The following ZNF814 variants were observed in gnomAD, a reference collection of about 807,000 sequenced individuals.
ZNF814 encodes the protein zinc finger protein 814.
Under a neutral mutation model 7.5 loss-of-function variants are expected in ZNF814, and 5 were observed. The observed-to-expected ratio is 0.67, with a 90% CI of 0.35 to 1.40. The LOEUF is 1.40. Ranked by LOEUF, ZNF814 falls within the 40% of genes most tolerant of loss-of-function variation. The pLI is 0.04. For missense variants in ZNF814, 962 were observed against 1,018.0 expected (o/e 0.94, Z 0.75); for synonymous variants, 315 against 340.7 (o/e 0.92, Z 0.83).
At chr19:57,876,509 G>A (rs2560939) in intron 2 of ZNF814, 26 of 262,736 alleles carry the variant, frequency 9.9e-5, no homozygotes, top group South Asian at 4.7e-4. Flanking sequence ...TCTAAAGAAG[G>A]TCTTGCAAGA....
chr19:57,897,657 T>TATC, the ZNF814 span, among the ~76,000 whole-genome samples: 1 of 152,206 alleles, frequency 6.6e-6, no homozygotes, highest in African/African-American at 2.4e-5. Context: ...TGCTGCCATG[T>TATC]ATCTCTGCAG....
Position 57,888,064 on chromosome 19 carries a change from CG to C in ZNF814, c.36+702del, listed in dbSNP as rs2071707758. ...TCCTCGGGGCCGAGAGAATTTTGAG[CG>C]TTAGCCGTCTCTTTGGCCGCCAGCT... On this transcript the variant is annotated intron_variant, in intron 1 of 2. Transcript: ENST00000435989. Among the ~76,000 whole-genome samples, 4 of 152,310 alleles carry C rather than the reference CG, an allele frequency of 2.6e-5. No homozygotes were observed. The South Asian group carries it at 8.3e-4, about 32-fold the overall frequency.
chr19:57,902,405 T>C, the ZNF814 span, among the ~76,000 whole-genome samples: 53,262 of 151,966 alleles, frequency 0.35, 9,553 homozygotes, highest in African/African-American at 0.4. Context: ...AAGCTGATGT[T>C]CCTATTATAT....
chr19:57,889,889 A>AT (rs1352757035), upstream of ZNF814, among the ~76,000 whole-genome samples: 1 of 152,128 alleles, frequency 6.6e-6, no homozygotes, highest in Admixed American at 6.6e-5. Flanking sequence ...ATAAAAATAA[A>AT]AAAATAAATA....
At chr19:57,896,035 C>T in the ZNF814 span, among the ~76,000 whole-genome samples, 1 of 152,230 alleles carries the variant, frequency 6.6e-6, no homozygotes, top group Admixed American at 6.5e-5. The surrounding 1 kb of genome is among the most constrained non-coding windows in gnomAD (Gnocchi z 4.2). Context: ...ATTGAACACT[C>T]GAACAAACGA....
At chr19:57,883,790 C>T (rs1363955335) in intron 1 of ZNF814, among the ~76,000 whole-genome samples, 1 of 151,604 alleles carries the variant, frequency 6.6e-6, no homozygotes, top group African/African-American at 2.4e-5. Flanking sequence ...TGAAGTCTCA[C>T]TCTGTTGCCC....
rs1380636720 is a variant in ZNF814 at position 57,872,212 on chromosome 19, T to C, written c.*610A>G. On this transcript the variant is annotated 3_prime_UTR_variant, in exon 3 of 3. Transcript: ENST00000435989. ...ATAAATGACATTCAATCTAGGTAGGTGGCACTCTCAAAGGGTTACATTGAA... is the reference window on the plus strand; with the variant it reads ...ATAAATGACATTCAATCTAGGTAGGCGGCACTCTCAAAGGGTTACATTGAA... Among the ~76,000 whole-genome samples the C allele has an allele frequency of 6.6e-6, 1 of 152,220 alleles. No homozygotes were observed. The highest frequency in any genetic ancestry group is 1.5e-5 in the Non-Finnish European group (1 of 68,042).
chr19:57,872,960 A>T lies in ZNF814; in HGVS notation c.2430T>A (p.Ala810=). The T allele has an allele frequency of 1.2e-6, 2 of 1,613,032 alleles. 1 individual carries two copies. Among genetic ancestry groups the T allele is most frequent in the South Asian group, 2.2e-5 (2 of 91,028 alleles). ...TGTGTTTAGTGAGACTGGAGCTTTC[A>T]GCAAAAGATTTTCCACATTCACTGC... ...YECSECGKSF[A]ESSSLTKHKR... is the part of the protein sequence containing the mutation. The change falls in exon 3 of 3, where the codon GCT becomes GCA. Residue 810 remains alanine, a synonymous_variant. Transcript: ENST00000435989.
In ZNF814 at chr19:57,871,980, A is replaced by T. The variant is rs1008074598; in HGVS notation, c.*842T>A. ...AAAAATTAGTGGAGCATGGTAGTGC[A>T]TGCCTGTGGTTTCAGCTACTCAGGA... On this transcript the variant is annotated 3_prime_UTR_variant, in exon 3 of 3. Coordinates refer to ENST00000435989, the MANE Select transcript of ZNF814 (RefSeq NM_001144989.2). 2.0e-5 allele frequency among the ~76,000 whole-genome samples: 3 copies of T among 152,026 alleles called. No individual in the cohort carries two copies. Among genetic ancestry groups the T allele is most frequent in the Non-Finnish European group, 4.4e-5 (3 of 68,006 alleles).
At chr19:57,876,259 G>C (rs1461060995) in intron 2 of ZNF814, among the ~76,000 whole-genome samples, 1 of 151,876 alleles carries the variant, frequency 6.6e-6, no homozygotes, top group East Asian at 1.9e-4. Context: ...CCCAGCCCAG[G>C]GTGCCACTCT....
upstream of ZNF814, among the ~76,000 whole-genome samples, chr19:57,892,764 CCTCT>C (rs1291061895): frequency 6.6e-6 from 1 of 152,174 alleles, no homozygotes; most frequent in Non-Finnish European, 1.5e-5. Context: ...GCTTCTCTGG[CCTCT>C]CTAAGCTCCT....
rs767855948 is a variant in ZNF814 at position 57,872,905 on chromosome 19, T to A, written c.2485A>T (p.Lys829Ter). 5 of 1,611,032 alleles carry A rather than the reference T, an allele frequency of 3.1e-6. No individual in the cohort carries two copies. The highest frequency in any genetic ancestry group is 4.2e-6 in the Non-Finnish European group (5 of 1,179,136). ...KRVHTGEKPY[K>*]CEKCGKLFNK... ...AATAATTTCCCACATTTCTCACATT[T>A]ATAAGGCTTTTCTCCAGTGTGAACT... The change falls in exon 3 of 3, where the codon AAA becomes TAA. Residue 829 changes from lysine to a stop codon, truncating the protein, a stop_gained. Transcript: ENST00000435989. LOFTEE classifies it low-confidence loss of function (END_TRUNC).
At chr19:57,886,515 T>C (rs1600140604) in intron 1 of ZNF814, among the ~76,000 whole-genome samples, 1 of 152,104 alleles carries the variant, frequency 6.6e-6, no homozygotes, top group East Asian at 1.9e-4. Context: ...TAACTCCATC[T>C]TAGAAAAAGA....
chr19:57,890,400 C>T (rs1303896571), upstream of ZNF814, among the ~76,000 whole-genome samples: 1 of 151,924 alleles, frequency 6.6e-6, no homozygotes, highest in Non-Finnish European at 1.5e-5. Flanking sequence ...CTCCTGTTGC[C>T]CAGGCTGAAG....
chr19:57,874,650 C>A lies in ZNF814; in HGVS notation c.740G>T (p.Cys247Phe), dbSNP rs200746898. The change falls in exon 3 of 3, where the codon TGT becomes TTT. Residue 247 changes from cysteine (C) to phenylalanine (F), a missense_variant. Coordinates refer to ENST00000435989, the MANE Select transcript of ZNF814 (RefSeq NM_001144989.2). Reference sequence around the variant, plus strand: ...AGCATATTTGCTAAAGGACTTCCCACATTCACAGCACACATAACACTCTTC... The same window carrying A: ...AGCATATTTGCTAAAGGACTTCCCAAATTCACAGCACACATAACACTCTTC... ...TREECYVCCE[C>F]GKSFSKYASL... 3.8e-4 allele frequency: 596 copies of A among 1,556,262 alleles called. 2 individuals are homozygous for A. Among genetic ancestry groups the A allele is most frequent in the African/African-American group, 1.2e-3 (87 of 73,320 alleles).
the ZNF814 span, among the ~76,000 whole-genome samples, chr19:57,900,924 G>A: frequency 7.8e-6 from 1 of 128,562 alleles, no homozygotes; most frequent in African/African-American, 3.0e-5. Context: ...TCGGTTCACT[G>A]CAAGCTCCGC....
At chr19:57,891,526 A>C (rs1253493873), upstream of ZNF814, among the ~76,000 whole-genome samples, 2 of 144,304 alleles carry the variant, frequency 1.4e-5, no homozygotes, top group African/African-American at 2.6e-5. Context: ...CTCCGCCTCA[A>C]AAAAAAAAAA....
At chr19:57,876,587 G>C in intron 2 of ZNF814, 1 of 421,614 alleles carries the variant, frequency 2.4e-6, no homozygotes, top group Non-Finnish European at 4.2e-6. Flanking sequence ...GAAGGCATAA[G>C]AAAATAGCAG....
intron 2 of ZNF814, chr19:57,876,449 AG>A (rs1340750429): frequency 5.7e-6 from 1 of 176,848 alleles, no homozygotes; most frequent in East Asian, 1.6e-4. Flanking sequence ...AGAACAACTC[AG>A]CCCATGACAG....
Sources: gnomAD v4.1 joint callset for allele counts (sites outside exome capture counted in the v4.1 genomes callset) on GRCh38, gnomAD v4.1.1 for gene constraint, Gnocchi (gnomAD v3.1) non-coding constraint, MANE v1.5 for transcripts, NCBI Gene and HGNC (gene_info 2026-07-23, HGNC 2026-07-21) for gene names.